Variants in SLC22A23 observed in about 807,000 individuals in gnomAD.
SLC22A23 encodes the protein solute carrier family 22 member 23.
SLC22A23 carries 26 observed loss-of-function variants against 61.0 expected under a neutral mutation model. The observed-to-expected ratio is 0.43, with a 90% CI of 0.31 to 0.59. The LOEUF (loss-of-function observed/expected upper bound fraction) is 0.59. Ranked by LOEUF, SLC22A23 falls within the 20% of genes least tolerant of loss-of-function variation. The pLI is 0.11. For missense variants in SLC22A23, 796 were observed against 934.7 expected (o/e 0.85, Z 1.94); for synonymous variants, 430 against 413.9 (o/e 1.04, Z -0.47).
chr6:3,286,779 C>T lies in SLC22A23; in HGVS notation c.1546+80G>A, dbSNP rs1760049792. 2 of 1,232,984 alleles carry T rather than the reference C, an allele frequency of 1.6e-6. No individual in the cohort carries two copies. The highest frequency in any genetic ancestry group is 4.0e-5 in the Admixed American group (2 of 49,630). 76.4% of individuals were successfully genotyped at this position (1,232,984 alleles called of 1,614,324 possible). A position where few individuals can be genotyped will look rare whatever the true frequency, so the allele number is the denominator to read the frequency against. ...TAGATTTTAGAGTGGCCAGCGGAGT[C>T]TTATGCAGCCCTTTCAAATGCCCTT... On this transcript the variant is annotated intron_variant, in intron 7 of 9. Transcript: ENST00000406686. This position sits in a 1 kb window ranked among gnomAD's most constrained non-coding sequence, Gnocchi z 4.2.
In SLC22A23 at chr6:3,427,175, T is replaced by G. The variant is rs988953715; in HGVS notation, c.655-11320A>C. On this transcript the variant is annotated intron_variant, in intron 1 of 9. Transcript: ENST00000406686. The surrounding 1 kb of genome is among the most constrained non-coding windows in gnomAD (Gnocchi z 4.3). ...GGGCTCAGTTTTAACATCTATGACGTAGGAGTCGCAAAACCTTCACCAGAG... is the reference window on the plus strand; with the variant it reads ...GGGCTCAGTTTTAACATCTATGACGGAGGAGTCGCAAAACCTTCACCAGAG... Among the ~76,000 whole-genome samples the G allele has an allele frequency of 6.6e-6, 1 of 152,102 alleles. No homozygotes were observed. Among genetic ancestry groups the G allele is most frequent in the Non-Finnish European group, 1.5e-5 (1 of 68,014 alleles).
intron 4 of SLC22A23, among the ~76,000 whole-genome samples, chr6:3,319,883 C>T (rs779228999): frequency 4.6e-5 from 7 of 152,198 alleles, no homozygotes; most frequent in Non-Finnish European, 8.8e-5. Flanking sequence ...AACACACAGT[C>T]CTGCGTGGTG....
In SLC22A23 at chr6:3,324,078, A is replaced by G. The variant is rs527827554; in HGVS notation, c.914-76T>C. ...GAGAAGTCCTGGGTGCACCTGGGCC[A>G]GTGCACTGCTTAACCCACCAACGAC... On this transcript the variant is annotated intron_variant, in intron 3 of 9. Transcript: ENST00000406686. The surrounding 1 kb of genome is among the most constrained non-coding windows in gnomAD (Gnocchi z 4.3). 1 of 1,537,172 alleles carries G rather than the reference A, an allele frequency of 6.5e-7. No homozygotes were observed. The highest frequency in any genetic ancestry group is 1.7e-5 in the Admixed American group (1 of 57,548).
Position 3,410,222 on chromosome 6 carries a change from G to C in SLC22A23, c.879C>G (p.Cys293Trp), listed in dbSNP as rs746370965. Reference protein sequence around the residue: ...FSTLRFFEGFCLAGIILTLYA... With the variant: ...FSTLRFFEGFWLAGIILTLYA... ...ACAAGGTGAGAATGATTCCAGCCAG[G>C]CAAAATCCTTCAAAGAACCTGAGTG... is the stretch of plus-strand genomic sequence containing the variant. Residue 293 changes from cysteine (C) to tryptophan (W), a missense_variant, in exon 3 of 10, where the codon TGC becomes TGG. Physicochemically the swap from Cys to Trp is radical, Grantham distance 215 (BLOSUM62 -2). Coordinates refer to ENST00000406686, the MANE Select transcript of SLC22A23 (RefSeq NM_015482.2). The surrounding 1 kb of genome is among the most constrained non-coding windows in gnomAD (Gnocchi z 5.0). The C allele has an allele frequency of 6.2e-7, 1 of 1,613,772 alleles. No individual in the cohort carries two copies. Among genetic ancestry groups the C allele is most frequent in the Non-Finnish European group, 8.5e-7 (1 of 1,179,878 alleles).
intron 9 of SLC22A23, among the ~76,000 whole-genome samples, chr6:3,283,183 G>A (rs1397857206): frequency 6.6e-6 from 1 of 152,096 alleles, no homozygotes; most frequent in Non-Finnish European, 1.5e-5. Flanking sequence ...TGTAATCCTA[G>A]CACTTTGGGA....
rs376348957 is a variant in SLC22A23 at position 3,427,894 on chromosome 6, C to T, written c.655-12039G>A. Among the ~76,000 whole-genome samples, 5 of 152,244 alleles carry T rather than the reference C, an allele frequency of 3.3e-5. No individual in the cohort carries two copies. In the East Asian group the frequency reaches 7.7e-4, roughly 23 times the overall value. ...ACTGTGCAGGCTGGCTCCCGGCCCC[C>T]GCCCTCTGGTCGGGAGAGGAAGAAG... is the stretch of plus-strand genomic sequence containing the variant. On this transcript the variant is annotated intron_variant, in intron 1 of 9. Transcript: ENST00000406686. The surrounding 1 kb of genome is among the most constrained non-coding windows in gnomAD (Gnocchi z 4.3).
In SLC22A23 at chr6:3,273,209, T is replaced by C; in HGVS notation, c.1907A>G (p.Tyr636Cys). The C allele has an allele frequency of 6.2e-7, 1 of 1,613,192 alleles. No individual in the cohort carries two copies. The highest frequency in any genetic ancestry group is 8.5e-7 in the Non-Finnish European group (1 of 1,179,634). Residue 636 changes from tyrosine to cysteine, a missense_variant, in exon 10 of 10, where the codon TAC becomes TGC. Tyr to Cys is a radical substitution (Grantham distance 194). Coordinates refer to ENST00000406686, the MANE Select transcript of SLC22A23 (RefSeq NM_015482.2). Reference sequence around the variant, plus strand: ...GTGCGGCAGCAGCGGCTGGCGCGTGTAGTGCTCCCCGTTAGAAATGTTCTC... The same window carrying C: ...GTGCGGCAGCAGCGGCTGGCGCGTGCAGTGCTCCCCGTTAGAAATGTTCTC... ...LPENISNGEHYTRQPLLPHKK... is the reference protein window; with the variant it reads ...LPENISNGEHCTRQPLLPHKK...
At chr6:3,385,500 A>T (rs962786164) in intron 3 of SLC22A23, among the ~76,000 whole-genome samples, 2 of 151,876 alleles carry the variant, frequency 1.3e-5, no homozygotes, top group African/African-American at 4.9e-5. Flanking sequence ...TGGGCGACAG[A>T]GCAGAACTCT....
At chr6:3,455,255 C>A (rs1448016508) in intron 1 of SLC22A23, among the ~76,000 whole-genome samples, 2 of 152,244 alleles carry the variant, frequency 1.3e-5, no homozygotes, top group Non-Finnish European at 2.9e-5. Context: ...AAAGCAGCTG[C>A]TGTGTAAGAG....
chr6:3,417,236 A>C (rs985824407), intron 1 of SLC22A23, among the ~76,000 whole-genome samples: 19 of 152,308 alleles, frequency 1.2e-4, no homozygotes, highest in African/African-American at 4.3e-4. Context: ...TCCTTGGGAC[A>C]CACACTGGCT....
intron 1 of SLC22A23, chr6:3,438,604 A>C (rs1186554202): frequency 2.5e-5 from 11 of 435,234 alleles, no homozygotes; most frequent in South Asian, 1.8e-4. Flanking sequence ...GCTAGTTTGA[A>C]TTAGAGACAT....
intron 4 of SLC22A23, among the ~76,000 whole-genome samples, chr6:3,298,865 G>A (rs903807192): frequency 6.6e-6 from 1 of 151,258 alleles, no homozygotes. Flanking sequence ...CCAGCTACTC[G>A]GGAGGCTGAG....
chr6:3,456,007 G>A lies in SLC22A23; in HGVS notation c.553C>T (p.Leu185=). Residue 185 remains leucine, a synonymous_variant, in exon 1 of 10, where the codon CTG becomes TTG. Transcript: ENST00000406686. This position sits in a 1 kb window ranked among gnomAD's most constrained non-coding sequence, Gnocchi z 7.1. ...TCCCCCTTGTCCGGAGGGGATGGCA[G>A]GGGTGGTGTGTCGCCTCCGTCCGCG... The part of the protein sequence containing the change: ...SGADGGDTPP[L]PSPPDKGDNA... 6.5e-7 allele frequency: 1 copy of A among 1,547,132 alleles called. No homozygotes were observed. Among genetic ancestry groups the A allele is most frequent in the South Asian group, 1.2e-5 (1 of 84,030 alleles).
chr6:3,384,812 G>A (rs1273668084), intron 3 of SLC22A23, among the ~76,000 whole-genome samples: 1 of 152,212 alleles, frequency 6.6e-6, no homozygotes, highest in African/African-American at 2.4e-5. Flanking sequence ...CACAGCAGCA[G>A]TATTCACAAT....
chr6:3,327,584 A>G lies in SLC22A23; in HGVS notation c.914-3582T>C, dbSNP rs1006171976. Among the ~76,000 whole-genome samples, 1 of 152,228 alleles carries G rather than the reference A, an allele frequency of 6.6e-6. No homozygotes were observed. The highest frequency in any genetic ancestry group is 1.5e-5 in the Non-Finnish European group (1 of 68,044). Reference sequence around the variant, plus strand: ...CAAGTTCAAATCCTGCTCCTGGTACATAGAAGCTGTGACCTTGGTTCAGTC... The same window carrying G: ...CAAGTTCAAATCCTGCTCCTGGTACGTAGAAGCTGTGACCTTGGTTCAGTC... On this transcript the variant is annotated intron_variant, in intron 3 of 9. Coordinates refer to ENST00000406686, the MANE Select transcript of SLC22A23 (RefSeq NM_015482.2). This position sits in a 1 kb window ranked among gnomAD's most constrained non-coding sequence, Gnocchi z 4.1.
At chr6:3,422,127 A>G (rs968472873) in intron 1 of SLC22A23, among the ~76,000 whole-genome samples, 1 of 152,210 alleles carries the variant, frequency 6.6e-6, no homozygotes, top group Non-Finnish European at 1.5e-5. Flanking sequence ...CAGCCCTACA[A>G]AGAGGATAGT....
chr6:3,451,657 A>G (rs749615694), intron 1 of SLC22A23, among the ~76,000 whole-genome samples: 10 of 152,198 alleles, frequency 6.6e-5, no homozygotes, highest in Admixed American at 3.9e-4. Flanking sequence ...AACTGAGCTG[A>G]GCTGCGGCCC....
chr6:3,276,209 C>T (rs1315354641), intron 9 of SLC22A23, among the ~76,000 whole-genome samples: 1 of 152,212 alleles, frequency 6.6e-6, no homozygotes, highest in African/African-American at 2.4e-5. Context: ...ATGACTGCCT[C>T]TCTGTTGGTT....
intron 3 of SLC22A23, among the ~76,000 whole-genome samples, chr6:3,336,535 C>T (rs1206948972): frequency 6.6e-6 from 1 of 152,240 alleles, no homozygotes; most frequent in Admixed American, 6.5e-5. Flanking sequence ...GCTCTTCTCA[C>T]ATAACTCAAT....
Sources: allele counts gnomAD v4.1 joint callset (sites outside exome capture counted in the v4.1 genomes callset), GRCh38; gene constraint gnomAD v4.1.1; non-coding constraint Gnocchi (gnomAD v3.1); transcripts MANE v1.5; gene names NCBI Gene and HGNC (gene_info 2026-07-23, HGNC 2026-07-21).